CHRM3: variants seen among roughly 807,000 people sequenced by gnomAD.
CHRM3 encodes the protein muscarinic acetylcholine receptor M3.
Under a neutral mutation model 41.8 loss-of-function variants are expected in CHRM3, and 11 were observed. That is an observed-to-expected ratio of 0.26 (90% confidence interval 0.17 to 0.44). CHRM3 has a LOEUF of 0.44. Ranked by LOEUF, CHRM3 falls within the 20% of genes least tolerant of loss-of-function variation. The pLI, the probability that CHRM3 is intolerant of heterozygous loss-of-function variation, is 1.00. For missense variants in CHRM3, 571 were observed against 745.4 expected (o/e 0.77, Z 2.72); for synonymous variants, 297 against 301.4 (o/e 0.99, Z 0.15).
Position 239,506,943 on chromosome 1 carries a change from G to C in CHRM3, c.-422+14136G>C, listed in dbSNP as rs191711625. On this transcript the variant is annotated intron_variant, in intron 2 of 6. Transcript: ENST00000676153. ...CTGTTTGATTTTGGACTTGCTTGGG[G>C]CCTGTACCCCCTTTGTTTTGGCCAA... 3.9e-4 allele frequency among the ~76,000 whole-genome samples: 60 copies of C among 152,212 alleles called. 2 individuals carry two copies. The East Asian group carries it at 0.011, about 28-fold the overall frequency.
intron 2 of CHRM3, among the ~76,000 whole-genome samples, chr1:239,543,123 A>G (rs984225965): frequency 6.6e-6 from 1 of 152,162 alleles, no homozygotes; most frequent in African/African-American, 2.4e-5. Context: ...ATTCTGAAGA[A>G]TGGCACCTTT....
intron 5 of CHRM3, among the ~76,000 whole-genome samples, chr1:239,806,214 TG>T (rs1378100036): frequency 3.9e-5 from 6 of 152,334 alleles, no homozygotes; most frequent in Non-Finnish European, 7.4e-5. Context: ...AACCTCAGAA[TG>T]TCTGATCTTC....
At chr1:239,555,508 G>A (rs570477517) in intron 3 of CHRM3, among the ~76,000 whole-genome samples, 4 of 152,274 alleles carry the variant, frequency 2.6e-5, no homozygotes, top group South Asian at 4.1e-4. Flanking sequence ...CAGGAATGGG[G>A]CAGAAGCAGC....
chr1:239,670,896 C>T (rs913972584), intron 4 of CHRM3, among the ~76,000 whole-genome samples: 1 of 151,974 alleles, frequency 6.6e-6, no homozygotes, highest in African/African-American at 2.4e-5. Flanking sequence ...TTTTTCACTT[C>T]TCTTTGGTGA....
chr1:239,731,948 T>A (rs1286856509), intron 5 of CHRM3, among the ~76,000 whole-genome samples: 2 of 152,000 alleles, frequency 1.3e-5, no homozygotes, highest in Non-Finnish European at 2.9e-5. Context: ...TGGTTCTGAA[T>A]TACAGAGAGT....
chr1:239,464,875 G>C (rs932810037), intron 1 of CHRM3, among the ~76,000 whole-genome samples: 2 of 151,886 alleles, frequency 1.3e-5, no homozygotes, highest in Non-Finnish European at 2.9e-5. Flanking sequence ...TTATGTTTTC[G>C]TTTGAGATGT....
chr1:239,654,853 C>T (rs574127311), intron 4 of CHRM3, among the ~76,000 whole-genome samples: 23 of 152,068 alleles, frequency 1.5e-4, no homozygotes, highest in Non-Finnish European at 2.8e-4. Flanking sequence ...TAATAAGACC[C>T]CAAGCTGGAT....
chr1:239,540,280 T>C lies in CHRM3; in HGVS notation c.-421-5361T>C, dbSNP rs12059885. 6.7e-3 allele frequency among the ~76,000 whole-genome samples: 1,028 copies of C among 152,342 alleles called. 12 individuals carry two copies. Among genetic ancestry groups the C allele is most frequent in the African/African-American group, 0.023 (976 of 41,584 alleles). ...GCCTTTACTACAGAAGTCGGCATCA[T>C]AATGTGTAGATTGCTTATGCTAATC... On this transcript the variant is annotated intron_variant, in intron 2 of 6. Coordinates refer to ENST00000676153, the MANE Select transcript of CHRM3 (RefSeq NM_001375978.1).
In CHRM3 at chr1:239,882,867, T is replaced by A. The variant is rs186858035; in HGVS notation, c.-19-24566T>A. Among the ~76,000 whole-genome samples the A allele has an allele frequency of 4.2e-3, 646 of 152,290 alleles. 5 individuals are homozygous for A. The highest frequency in any genetic ancestry group is 5.1e-3 in the Non-Finnish European group (347 of 68,024). On this transcript the variant is annotated intron_variant, in intron 6 of 6. Transcript: ENST00000676153. ...CTGGCTGCCCAGCACGCAGTGGGTGTTCAATAAACCTATGAAGAAGTGAAA... is the reference window on the plus strand; with the variant it reads ...CTGGCTGCCCAGCACGCAGTGGGTGATCAATAAACCTATGAAGAAGTGAAA...
chr1:239,388,882 C>A (rs1658773508), intron 1 of CHRM3, among the ~76,000 whole-genome samples: 1 of 152,158 alleles, frequency 6.6e-6, no homozygotes, highest in African/African-American at 2.4e-5. Context: ...TAGCTTAATA[C>A]ATAATTAGCT....
Position 239,418,159 on chromosome 1 carries a change from A to G in CHRM3, c.-521+30932A>G, listed in dbSNP as rs78781768. 5.5e-3 allele frequency among the ~76,000 whole-genome samples: 833 copies of G among 152,348 alleles called. 1 individual carries two copies. Among genetic ancestry groups the G allele is most frequent in the South Asian group, 0.01 (50 of 4,834 alleles). ...CAGATGAGCCCCCTGGGAGAGGACT[A>G]CAGTCAGATAGCATGTGGCCTTCTG... On this transcript the variant is annotated intron_variant, in intron 1 of 6. Transcript: ENST00000676153.
chr1:239,388,569 C>G (rs193078225), intron 1 of CHRM3, among the ~76,000 whole-genome samples: 1 of 152,172 alleles, frequency 6.6e-6, no homozygotes, highest in Admixed American at 6.5e-5. Context: ...TTAAGAGAGA[C>G]TATGAACATA....
chr1:239,679,992 C>T (rs73109173), intron 5 of CHRM3, among the ~76,000 whole-genome samples: 5,861 of 152,000 alleles, frequency 0.039, 259 homozygotes, highest in East Asian at 0.11. Context: ...CAGGGTGGAC[C>T]GCGGGCTTCA....
At chr1:239,517,703 ACTT>A (rs1051857242) in intron 2 of CHRM3, among the ~76,000 whole-genome samples, 23 of 152,184 alleles carry the variant, frequency 1.5e-4, no homozygotes, top group African/African-American at 5.5e-4. Context: ...CCCAGGCACT[ACTT>A]TTATCTTTAG....
chr1:239,430,698 CACAT>C (rs1232880045), intron 1 of CHRM3, among the ~76,000 whole-genome samples: 54 of 151,616 alleles, frequency 3.6e-4, no homozygotes, highest in East Asian at 1.7e-3. Context: ...TACACACACA[CACAT>C]ACACACACAT....
intron 6 of CHRM3, among the ~76,000 whole-genome samples, chr1:239,839,298 T>C (rs1233058767): frequency 6.6e-6 from 1 of 152,226 alleles, no homozygotes; most frequent in Non-Finnish European, 1.5e-5. Context: ...ATAATTGAGA[T>C]GATTCAATAG....
chr1:239,596,125 T>C (rs1037904728), intron 3 of CHRM3, among the ~76,000 whole-genome samples: 8 of 152,214 alleles, frequency 5.3e-5, no homozygotes, highest in Non-Finnish European at 2.9e-5. Context: ...TGAGGTCTCA[T>C]AGAAATAAAT....
chr1:239,575,549 C>G (rs1256514696), intron 3 of CHRM3, among the ~76,000 whole-genome samples: 1 of 152,024 alleles, frequency 6.6e-6, no homozygotes, highest in African/African-American at 2.4e-5. Flanking sequence ...TAGGTTGAGC[C>G]AGTTTTTTTG....
intron 5 of CHRM3, among the ~76,000 whole-genome samples, chr1:239,729,359 T>A (rs2148408569): frequency 6.6e-6 from 1 of 152,066 alleles, no homozygotes; most frequent in Non-Finnish European, 1.5e-5. Context: ...CCAGTGGCCT[T>A]GTTTCAGATG....
Sources: allele counts gnomAD v4.1 joint callset (sites outside exome capture counted in the v4.1 genomes callset), GRCh38; gene constraint gnomAD v4.1.1; transcripts MANE v1.5; gene names NCBI Gene and HGNC (gene_info 2026-07-23, HGNC 2026-07-21).